The following SMOC1 variants were observed in gnomAD, a reference collection of about 807,000 sequenced individuals.
The protein encoded by SMOC1 is SPARC-related modular calcium-binding protein 1.
Under a neutral mutation model 56.3 loss-of-function variants are expected in SMOC1, and 22 were observed. The ratio of observed to expected loss-of-function variants is 0.39; its 90% CI spans 0.28 to 0.56. SMOC1 has a LOEUF of 0.56. SMOC1 is among the 20% of genes least tolerant of loss of function. SMOC1 has a pLI of 0.61. For synonymous variants in SMOC1, 193 were observed against 215.0 expected (o/e 0.90, Z 0.89); for missense variants, 509 against 565.4 (o/e 0.90, Z 1.01).
At chr14:70,005,739 A>C (rs1219669117) in intron 7 of SMOC1, among the ~76,000 whole-genome samples, 1 of 152,172 alleles carries the variant, frequency 6.6e-6, no homozygotes, top group Non-Finnish European at 1.5e-5. Context: ...TCTCTGCACC[A>C]TCTGAGGGAC....
chr14:70,006,342 A>T (rs990307352), intron 7 of SMOC1, among the ~76,000 whole-genome samples: 5 of 152,232 alleles, frequency 3.3e-5, no homozygotes, highest in Admixed American at 6.5e-5. Flanking sequence ...TAAATACTCA[A>T]ATAAATGTTA....
At chr14:70,015,072 A>G (rs1470285642) in intron 10 of SMOC1, among the ~76,000 whole-genome samples, 2 of 152,240 alleles carry the variant, frequency 1.3e-5, no homozygotes, top group Admixed American at 6.5e-5. Flanking sequence ...ATGCCCATCA[A>G]TGGATGACTA....
chr14:69,956,369 T>C (rs892434145), intron 3 of SMOC1, among the ~76,000 whole-genome samples: 1 of 151,888 alleles, frequency 6.6e-6, no homozygotes, highest in African/African-American at 2.4e-5. Context: ...TTGAGTATGC[T>C]TCAGTCACAT....
At chr14:69,962,675 C>T (rs1042824931) in intron 3 of SMOC1, among the ~76,000 whole-genome samples, 1 of 152,006 alleles carries the variant, frequency 6.6e-6, no homozygotes, top group Non-Finnish European at 1.5e-5. Context: ...CTCTTGGGCT[C>T]AAGCGATCCT....
At chr14:69,944,250 C>G (rs1238078329) in intron 1 of SMOC1, among the ~76,000 whole-genome samples, 5 of 152,170 alleles carry the variant, frequency 3.3e-5, no homozygotes, top group Admixed American at 3.3e-4. Flanking sequence ...AGTGGGTGTT[C>G]TGGGGGCTCA....
chr14:70,008,311 A>C (rs892471221), intron 7 of SMOC1, among the ~76,000 whole-genome samples: 1 of 151,774 alleles, frequency 6.6e-6, no homozygotes, highest in African/African-American at 2.4e-5. Context: ...GTATTTATTT[A>C]TTTATTTTTG....
rs12885068 is a variant in SMOC1, at chr14:70,011,069, A to G, written c.857+123A>G. 0.19 allele frequency: 214,991 copies of G among 1,118,458 alleles called. 23,404 individuals carry two copies. The highest frequency in any genetic ancestry group is 0.41 in the East Asian group (16,139 of 39,602). 69.3% of individuals were successfully genotyped at this position (1,118,458 alleles called of 1,614,324 possible). On this transcript the variant is annotated intron_variant, in intron 8 of 11. Transcript: ENST00000361956. Reference sequence around the variant, plus strand: ...AGTGCCTGGGAGAGCCATGTTTTCAATGAGTAGAAGAGTTTCAGGTAGAAA... The same window carrying G: ...AGTGCCTGGGAGAGCCATGTTTTCAGTGAGTAGAAGAGTTTCAGGTAGAAA...
intron 1 of SMOC1, among the ~76,000 whole-genome samples, chr14:69,919,914 C>G (rs537716630): frequency 3.4e-5 from 5 of 148,386 alleles, no homozygotes; most frequent in African/African-American, 9.9e-5. Flanking sequence ...ACAAATACCC[C>G]CCCCCCCCTT....
intron 5 of SMOC1, among the ~76,000 whole-genome samples, chr14:69,978,506 G>A (rs528029535): frequency 1.7e-3 from 257 of 152,312 alleles, no homozygotes; most frequent in Non-Finnish European, 2.5e-3. Context: ...AGTCTGATGG[G>A]ACAGTGAAGA....
intron 1 of SMOC1, among the ~76,000 whole-genome samples, chr14:69,943,011 TG>T (rs943867367): frequency 3.5e-5 from 5 of 143,618 alleles, no homozygotes; most frequent in African/African-American, 5.2e-5. Flanking sequence ...CTGCTGGTGG[TG>T]GGGGGCACAG....
chr14:70,030,286 G>A lies in SMOC1; in HGVS notation c.*28G>A, dbSNP rs769106450. On this transcript the variant is annotated 3_prime_UTR_variant, in exon 12 of 12. Transcript: ENST00000361956. Reference sequence around the variant, plus strand: ...AGCAGAAAACCCAAGGGCAGGTGGAGAGTCCAGGGAGGCAGGATGGATCAC... The same window carrying A: ...AGCAGAAAACCCAAGGGCAGGTGGAAAGTCCAGGGAGGCAGGATGGATCAC... 1.4e-5 allele frequency: 23 copies of A among 1,613,044 alleles called. No individual in the cohort carries two copies. Among genetic ancestry groups the A allele is most frequent in the East Asian group, 2.2e-5 (1 of 44,828 alleles).
intron 5 of SMOC1, among the ~76,000 whole-genome samples, chr14:69,983,718 A>G (rs952417987): frequency 6.6e-6 from 1 of 152,258 alleles, no homozygotes; most frequent in Non-Finnish European, 1.5e-5. Flanking sequence ...GAGAGGGCTC[A>G]GAGCTTGTCA....
chr14:69,985,478 C>T (rs901230035), intron 5 of SMOC1, among the ~76,000 whole-genome samples: 2 of 149,280 alleles, frequency 1.3e-5, no homozygotes, highest in African/African-American at 5.0e-5. Context: ...TCTGTAATAG[C>T]TGAAAGTAGA....
chr14:70,013,598 G>C, intron 10 of SMOC1, 107 bp downstream of exon 10: 1 of 928,842 alleles, frequency 1.1e-6, no homozygotes, highest in Admixed American at 1.8e-5. Context: ...GAGGGCAAGG[G>C]CTGGAAGTTG....
intron 1 of SMOC1, among the ~76,000 whole-genome samples, chr14:69,898,957 T>C (rs889287826): frequency 6.6e-6 from 1 of 152,128 alleles, no homozygotes; most frequent in Non-Finnish European, 1.5e-5. Flanking sequence ...GGAGAAGCAT[T>C]CTATAGTCCT....
intron 1 of SMOC1, among the ~76,000 whole-genome samples, chr14:69,934,141 T>G (rs571602681): frequency 6.3e-4 from 96 of 152,258 alleles, no homozygotes; most frequent in African/African-American, 2.2e-3. Flanking sequence ...ATCCCAGGTG[T>G]GTCTCACTGA....
chr14:69,948,989 C>T (rs1259933077), intron 1 of SMOC1, among the ~76,000 whole-genome samples: 1 of 152,132 alleles, frequency 6.6e-6, no homozygotes, highest in Non-Finnish European at 1.5e-5. Flanking sequence ...AACACCGGCC[C>T]ACCTGCAAAA....
At chr14:69,999,514 C>T (rs995347041) in intron 7 of SMOC1, among the ~76,000 whole-genome samples, 8 of 152,246 alleles carry the variant, frequency 5.3e-5, no homozygotes, top group African/African-American at 1.4e-4. Context: ...CGTTAGCAGC[C>T]GAGGATGGGT....
chr14:69,989,953 G>C (rs543587808), intron 5 of SMOC1, among the ~76,000 whole-genome samples: 12 of 152,334 alleles, frequency 7.9e-5, no homozygotes, highest in Admixed American at 7.8e-4. Context: ...GGATGTCACA[G>C]GTGATTCCTG....
Sources: allele counts gnomAD v4.1 joint callset (sites outside exome capture counted in the v4.1 genomes callset), GRCh38; gene constraint gnomAD v4.1.1; transcripts MANE v1.5; gene names NCBI Gene and HGNC (gene_info 2026-07-23, HGNC 2026-07-21).